Variants in AFAP1L2 observed in about 807,000 individuals in gnomAD.
The protein encoded by AFAP1L2 is actin filament associated protein 1 like 2.
AFAP1L2 carries 46 observed loss-of-function variants against 99.3 expected under a neutral mutation model. The ratio of observed to expected loss-of-function variants is 0.46; its 90% CI spans 0.37 to 0.59. AFAP1L2 has a LOEUF of 0.59. Ranked by LOEUF, AFAP1L2 falls within the 20% of genes least tolerant of loss-of-function variation. AFAP1L2 has a pLI of 0.00. For synonymous variants in AFAP1L2, 397 were observed against 419.1 expected (o/e 0.95, Z 0.64); for missense variants, 959 against 1,034.9 (o/e 0.93, Z 1.01).
At chr10:114,319,966 GCT>G (rs2135039428) in intron 5 of AFAP1L2, among the ~76,000 whole-genome samples, 1 of 152,312 alleles carries the variant, frequency 6.6e-6, no homozygotes, top group African/African-American at 2.4e-5. Context: ...GGGGTTCTCT[GCT>G]CTCTCTTTGC....
intron 2 of AFAP1L2, among the ~76,000 whole-genome samples, chr10:114,337,231 C>T (rs1446245299): frequency 6.6e-6 from 1 of 152,274 alleles, no homozygotes; most frequent in Non-Finnish European, 1.5e-5. Context: ...GCCCTCAGAG[C>T]CGTGTGCCCT....
chr10:114,395,959 T>C (rs11196723), intron 1 of AFAP1L2, among the ~76,000 whole-genome samples: 49,064 of 152,072 alleles, frequency 0.32, 8,887 homozygotes, highest in East Asian at 0.48. Flanking sequence ...CTAACATCAA[T>C]GCTTTCCCCC....
At chr10:114,299,202 A>G in intron 16 of AFAP1L2, 58 bp downstream of exon 16, 3 of 1,595,912 alleles carry the variant, frequency 1.9e-6, no homozygotes, top group East Asian at 2.2e-5. Context: ...TCCGCCAAAA[A>G]GTTAAGCCTA....
chr10:114,285,873 C>A, the AFAP1L2 span: 1 of 1,462,418 alleles, frequency 6.8e-7, no homozygotes, highest in South Asian at 1.4e-5. Flanking sequence ...TTCGGCATCT[C>A]GGGTGGGACA....
chr10:114,304,814 TGA>T lies in AFAP1L2; in HGVS notation c.1187_1188del (p.Leu396GlnfsTer32), dbSNP rs760787610. 1 of 1,613,338 alleles carries T rather than the reference TGA, an allele frequency of 6.2e-7. No homozygotes were observed. The highest frequency in any genetic ancestry group is 1.1e-5 in the South Asian group (1 of 91,068). ...GGGACCACCTCGCAGCCCACCAGGC[TGA>T]GGGGTTGCTGGGCCACCTTGCTCCG... ...RNRSKVAQQP[L>X]SLVGCEVVPD... On this transcript the variant is annotated frameshift_variant, in exon 11 of 19. Coordinates refer to ENST00000304129, the MANE Select transcript of AFAP1L2 (RefSeq NM_001001936.3). LOFTEE classifies it high-confidence loss of function.
chr10:114,282,529 T>A, the AFAP1L2 span: 1 of 1,613,944 alleles, frequency 6.2e-7, no homozygotes, highest in African/African-American at 1.3e-5. Context: ...GAAGAGAGTG[T>A]TCCTAACCCA....
intron 4 of AFAP1L2, among the ~76,000 whole-genome samples, chr10:114,327,147 T>TTATTTTTATATATATATATATATA (rs1554902752): frequency 7.3e-5 from 4 of 54,538 alleles, no homozygotes; most frequent in Non-Finnish European, 1.9e-4. Flanking sequence ...TTATATATAT[T>TTATTTTTATATATATATATATATA]TATATATATA....
chr10:114,323,057 C>T, intron 5 of AFAP1L2, 114 bp downstream of exon 5: 4 of 937,866 alleles, frequency 4.3e-6, no homozygotes, highest in Non-Finnish European at 4.8e-6. Context: ...GCCCAGACTA[C>T]CCTCTGTCAC....
intron 1 of AFAP1L2, among the ~76,000 whole-genome samples, chr10:114,342,364 T>C (rs1184033803): frequency 6.6e-6 from 1 of 152,198 alleles, no homozygotes; most frequent in African/African-American, 2.4e-5. Flanking sequence ...TGAGACACCT[T>C]CTCTGGGCCT....
chr10:114,359,964 A>T (rs556909707), intron 1 of AFAP1L2, among the ~76,000 whole-genome samples: 16 of 152,318 alleles, frequency 1.1e-4, no homozygotes, highest in African/African-American at 3.6e-4. Context: ...AGAGCTAAGG[A>T]CAAACATTTT....
In AFAP1L2 at chr10:114,385,953, C is replaced by T. The variant is rs552155491; in HGVS notation, c.16+18487G>A. On this transcript the variant is annotated intron_variant, in intron 1 of 18. Coordinates refer to ENST00000304129, the MANE Select transcript of AFAP1L2 (RefSeq NM_001001936.3). ...CACCCCCCGCCCCCCCTCAGGAGTC[C>T]CTGAGGATTCACTGAGACAATGAGT... is the stretch of plus-strand genomic sequence containing the variant. 2.6e-5 allele frequency among the ~76,000 whole-genome samples: 4 copies of T among 152,074 alleles called. No homozygotes were observed. The East Asian group carries it at 7.7e-4, about 29-fold the overall frequency.
chr10:114,337,684 CAA>C (rs1424874945), intron 2 of AFAP1L2, among the ~76,000 whole-genome samples: 11 of 152,140 alleles, frequency 7.2e-5, no homozygotes. Context: ...TAGGTTAATT[CAA>C]AAAAGAGACC....
At chr10:114,371,727 T>C (rs608542) in intron 1 of AFAP1L2, among the ~76,000 whole-genome samples, 131,953 of 151,466 alleles carry the variant, frequency 0.87, 58,582 homozygotes, top group East Asian at 1. Flanking sequence ...AGTTGATGGG[T>C]GCAGCAAACC....
At chr10:114,312,317 T>G (rs1040570750) in intron 7 of AFAP1L2, among the ~76,000 whole-genome samples, 2 of 150,526 alleles carry the variant, frequency 1.3e-5, no homozygotes, top group Non-Finnish European at 2.9e-5. Context: ...TGAGCAAAAA[T>G]GTGTATGCAA....
At position 114,304,776 on chromosome 10, in the gene AFAP1L2, G is replaced by A. The variant is rs144663048; in HGVS notation, c.1227C>T (p.Pro409=). The part of the protein sequence containing the change: ...VGCEVVPDPS[P]DHLYSFRILH... ...GGATGCGGAAGGAGTAGAGGTGGTC[G>A]GGGCTGGGGTCTGGGACCACCTCGC... is the stretch of plus-strand genomic sequence containing the variant. The change falls in exon 11 of 19, where the codon CCC becomes CCT. Residue 409 remains proline, a synonymous_variant. Coordinates refer to ENST00000304129, the MANE Select transcript of AFAP1L2 (RefSeq NM_001001936.3). 7.4e-5 allele frequency: 120 copies of A among 1,612,884 alleles called. No individual in the cohort carries two copies. Among genetic ancestry groups the A allele is most frequent in the Non-Finnish European group, 9.2e-5 (109 of 1,180,018 alleles).
At chr10:114,280,743 T>G in the AFAP1L2 span, 1 of 152,116 alleles carries the variant, frequency 6.6e-6, no homozygotes, top group African/African-American at 2.4e-5. Flanking sequence ...ACTTTGTTTT[T>G]ATTATTATTT....
chr10:114,310,053 G>A lies in AFAP1L2; in HGVS notation c.882+301C>T, dbSNP rs375909341. Among the ~76,000 whole-genome samples the A allele has an allele frequency of 3.9e-4, 59 of 151,974 alleles. No individual in the cohort carries two copies. The East Asian group carries it at 6.2e-3, about 16-fold the overall frequency. ...AGTGATTCTCCTGCCTCAGGCTCCC[G>A]AGTAGCTGGGATTACAGGCGCCCAC... is the stretch of plus-strand genomic sequence containing the variant. On this transcript the variant is annotated intron_variant, in intron 8 of 18. Coordinates refer to ENST00000304129, the MANE Select transcript of AFAP1L2 (RefSeq NM_001001936.3).
At chr10:114,301,291 G>T (rs2041137345) in intron 13 of AFAP1L2, 63 bp downstream of exon 13, 1 of 1,335,658 alleles carries the variant, frequency 7.5e-7, no homozygotes, top group East Asian at 2.3e-5. Context: ...TGGCATCCAG[G>T]TGTTGAGGTT....
chr10:114,326,888 G>A (rs1166471737), intron 4 of AFAP1L2, among the ~76,000 whole-genome samples: 3 of 151,622 alleles, frequency 2.0e-5, no homozygotes, highest in Non-Finnish European at 2.9e-5. Flanking sequence ...AAATAAGAAA[G>A]GGAGAAAAGT....
Sources: gnomAD v4.1 joint callset for allele counts (sites outside exome capture counted in the v4.1 genomes callset) on GRCh38, gnomAD v4.1.1 for gene constraint, MANE v1.5 for transcripts, NCBI Gene and HGNC (gene_info 2026-07-23, HGNC 2026-07-21) for gene names.